The following COL4A4 variants were observed in gnomAD, a reference collection of about 807,000 sequenced individuals.
COL4A4 encodes the protein collagen type IV alpha 4 chain.
Under a neutral mutation model 192.9 loss-of-function variants are expected in COL4A4, and 105 were observed. The ratio of observed to expected loss-of-function variants is 0.54; its 90% CI spans 0.46 to 0.64. The LOEUF is 0.64. COL4A4 is among the 30% of genes least tolerant of loss of function. The pLI is 0.00. For missense variants in COL4A4, 1,967 were observed against 2,169.3 expected, an observed-to-expected ratio of 0.91 and a Z score of 1.85; for synonymous variants, 762 against 769.9, an observed-to-expected ratio of 0.99 and a Z score of 0.17.
At chr2:227,008,333 G>A in intron 46 of COL4A4, 29 bp from the exon 47 acceptor site, 1 of 1,611,798 alleles carries the variant, frequency 6.2e-7, no homozygotes, top group South Asian at 1.1e-5. Flanking sequence ...GACAGCTGGT[G>A]TCCAAGCACC....
intron 1 of COL4A4, among the ~76,000 whole-genome samples, chr2:227,151,207 CATT>C (rs1228525998): frequency 6.6e-5 from 10 of 152,086 alleles, no homozygotes; most frequent in East Asian, 1.9e-4. Context: ...ATATTGATCA[CATT>C]ATTATATTTC....
intron 25 of COL4A4, among the ~76,000 whole-genome samples, chr2:227,071,892 C>A (rs1042598714): frequency 1.3e-5 from 2 of 151,914 alleles, no homozygotes; most frequent in Non-Finnish European, 2.9e-5. Context: ...TGGAATACAG[C>A]AAAAGCAGTG....
At chr2:227,062,830 G>T (rs1233389302) in intron 25 of COL4A4, among the ~76,000 whole-genome samples, 3 of 152,032 alleles carry the variant, frequency 2.0e-5, no homozygotes, top group African/African-American at 7.2e-5. Context: ...CGTAAGAAAA[G>T]AAATATATTG....
intron 4 of COL4A4, among the ~76,000 whole-genome samples, chr2:227,136,902 C>A (rs949829235): frequency 8.3e-6 from 1 of 120,250 alleles, no homozygotes; most frequent in African/African-American, 3.6e-5. Context: ...TGATAGTCCC[C>A]CGTGAGCTGT....
chr2:227,049,755 G>A (rs1973665824), intron 34 of COL4A4, among the ~76,000 whole-genome samples: 2 of 152,204 alleles, frequency 1.3e-5, no homozygotes, highest in African/African-American at 4.8e-5. Context: ...CCACTGACAT[G>A]GATCTGTTCT....
intron 27 of COL4A4, 37 bp downstream of exon 27, chr2:227,060,099 C>CAGAAAA: frequency 2.4e-6 from 1 of 417,148 alleles, no homozygotes; most frequent in South Asian, 4.0e-5. Context: ...ATTCCCAAAG[C>CAGAAAA]AGAAAAAAAA....
chr2:227,138,653 A>G (rs1329733158), intron 4 of COL4A4, among the ~76,000 whole-genome samples: 2 of 151,820 alleles, frequency 1.3e-5, no homozygotes, highest in African/African-American at 4.8e-5. Context: ...AAAAAAAAAG[A>G]AAAAGCTCAA....
chr2:226,983,689 A>G, the COL4A4 span, among the ~76,000 whole-genome samples: 1 of 151,928 alleles, frequency 6.6e-6, no homozygotes, highest in African/African-American at 2.4e-5. Flanking sequence ...TGCAAAGGTT[A>G]AGGAGTGTTT....
At chr2:226,974,683 G>A in the COL4A4 span, among the ~76,000 whole-genome samples, 968 of 152,286 alleles carry the variant, frequency 6.4e-3, 17 homozygotes, top group African/African-American at 0.022. Flanking sequence ...ACCTGTGGAA[G>A]TGATTTGTAT....
chr2:227,030,374 G>A, intron 41 of COL4A4, 69 bp downstream of exon 41: 1 of 1,520,982 alleles, frequency 6.6e-7, no homozygotes, highest in East Asian at 2.3e-5. Context: ...TGGCGGCACA[G>A]TACCCCAGAC....
chr2:227,024,172 C>T (rs1966577369), intron 43 of COL4A4, among the ~76,000 whole-genome samples: 1 of 152,154 alleles, frequency 6.6e-6, no homozygotes, highest in Non-Finnish European at 1.5e-5. Context: ...ATCAGGAACT[C>T]TCAATATCTG....
intron 4 of COL4A4, among the ~76,000 whole-genome samples, chr2:227,132,323 C>T (rs540544668): frequency 2.0e-5 from 3 of 152,178 alleles, no homozygotes; most frequent in Non-Finnish European, 2.9e-5. Flanking sequence ...GTCTGTCTCT[C>T]GGTTTGGCTC....
At chr2:227,080,396 C>T (rs1193773439) in intron 24 of COL4A4, 47 bp downstream of exon 24, 1 of 1,476,832 alleles carries the variant, frequency 6.8e-7, no homozygotes. Context: ...GTTTGTATGA[C>T]CATATAAGAA....
At chr2:226,970,513 C>T in the COL4A4 span, among the ~76,000 whole-genome samples, 12 of 152,130 alleles carry the variant, frequency 7.9e-5, no homozygotes, top group African/African-American at 2.4e-4. Flanking sequence ...CATCTGTTGG[C>T]TGCCAGAGGG....
At chr2:227,013,276 TTCTCTCTCTG>T (rs915798779) in intron 44 of COL4A4, among the ~76,000 whole-genome samples, 10 of 152,110 alleles carry the variant, frequency 6.6e-5, no homozygotes, top group African/African-American at 2.2e-4. Context: ...CTTTCTCTCT[TTCTCTCTCTG>T]TCTCTCTCTC....
chr2:227,091,677 T>C (rs1357429764), intron 20 of COL4A4, among the ~76,000 whole-genome samples: 2 of 152,132 alleles, frequency 1.3e-5, no homozygotes, highest in East Asian at 1.9e-4. Context: ...GCAGATCACC[T>C]GGGGTCAGGA....
At chr2:227,118,572 A>C in intron 7 of COL4A4, 73 bp downstream of exon 7, 1 of 1,130,244 alleles carries the variant, frequency 8.8e-7, no homozygotes, top group East Asian at 2.3e-5. Flanking sequence ...TGTTTCTTGA[A>C]TACATCAAGC....
At chr2:227,010,001 AAC>A (rs1302491263) in intron 46 of COL4A4, among the ~76,000 whole-genome samples, 2 of 152,226 alleles carry the variant, frequency 1.3e-5, no homozygotes, top group Admixed American at 1.3e-4. Context: ...TACATTTCAT[AAC>A]AGAGTTACAT....
At chr2:226,985,676 G>C in the COL4A4 span, among the ~76,000 whole-genome samples, 2 of 152,258 alleles carry the variant, frequency 1.3e-5, no homozygotes, top group African/African-American at 2.4e-5. Context: ...TCTGTGGGAA[G>C]CCCACCCAAT....
Sources: gnomAD v4.1 joint callset for allele counts (sites outside exome capture counted in the v4.1 genomes callset) on GRCh38, gnomAD v4.1.1 for gene constraint, MANE v1.5 for transcripts, NCBI Gene and HGNC (gene_info 2026-07-23, HGNC 2026-07-21) for gene names.